Variants in ZBTB46 observed in about 807,000 individuals in gnomAD.
ZBTB46 encodes zinc finger and BTB domain-containing protein 46.
A neutral mutation model predicts 44.1 loss-of-function variants in ZBTB46; 8 were observed. The observed-to-expected ratio is 0.18, with a 90% CI of 0.11 to 0.33. ZBTB46 has a LOEUF of 0.33. ZBTB46 is among the 10% of genes least tolerant of loss of function. ZBTB46 has a pLI of 1.00. For missense variants in ZBTB46, 651 were observed against 847.7 expected (o/e 0.77, Z 2.88); for synonymous variants, 409 against 382.3 (o/e 1.07, Z -0.81).
intron 3 of ZBTB46, among the ~76,000 whole-genome samples, chr20:63,758,047 A>G (rs1324543486): frequency 0.068 from 1,726 of 25,456 alleles, 161 homozygotes; most frequent in African/African-American, 0.11. Flanking sequence ...CCACCCGCCC[A>G]TCCAGAGCTC....
chr20:63,766,534 C>A (rs1211311721), intron 3 of ZBTB46, among the ~76,000 whole-genome samples: 89 of 130,540 alleles, frequency 6.8e-4, no homozygotes, highest in South Asian at 9.7e-4. Flanking sequence ...CCATTTTGAC[C>A]AAAAAAAAAA....
At chr20:63,768,232 C>A in intron 3 of ZBTB46, 1 of 647,584 alleles carries the variant, frequency 1.5e-6, no homozygotes, top group Non-Finnish European at 1.9e-6. Flanking sequence ...AGAAACGACT[C>A]GTGTGGGAAT....
intron 4 of ZBTB46, among the ~76,000 whole-genome samples, chr20:63,751,389 C>T (rs1004264195): frequency 2.6e-5 from 4 of 152,156 alleles, no homozygotes; most frequent in South Asian, 2.1e-4. Flanking sequence ...CACTAAGCCC[C>T]GCTCCATATC....
At chr20:63,768,634 C>T (rs2092340513) in intron 3 of ZBTB46, among the ~76,000 whole-genome samples, 1 of 151,952 alleles carries the variant, frequency 6.6e-6, no homozygotes, top group African/African-American at 2.4e-5. Flanking sequence ...AGTGGTTGAG[C>T]TCTTGTTAAA....
At chr20:63,805,339 T>TA (rs2092674570) in intron 1 of ZBTB46, among the ~76,000 whole-genome samples, 1 of 152,232 alleles carries the variant, frequency 6.6e-6, no homozygotes, top group Non-Finnish European at 1.5e-5. Context: ...TACACACCTC[T>TA]AATCGCAGCA....
intron 1 of ZBTB46, among the ~76,000 whole-genome samples, chr20:63,797,553 T>C (rs2092613322): frequency 6.6e-6 from 1 of 152,224 alleles, no homozygotes; most frequent in South Asian, 2.1e-4. Context: ...GTATTTCTAG[T>C]TCTAGATCCT....
chr20:63,830,637 G>A (rs2092844814), intron 1 of ZBTB46, among the ~76,000 whole-genome samples: 1 of 149,642 alleles, frequency 6.7e-6, no homozygotes, highest in South Asian at 2.1e-4. Context: ...GGGCGCGGGC[G>A]GGGGGCGCCA....
rs80118527 is a variant in ZBTB46, at chr20:63,754,315, A to G, written c.1223-1454T>C. 7.4e-3 allele frequency among the ~76,000 whole-genome samples: 1,130 copies of G among 152,102 alleles called. 11 individuals are homozygous for G. Among genetic ancestry groups the G allele is most frequent in the African/African-American group, 0.026 (1,089 of 41,458 alleles). On this transcript the variant is annotated intron_variant, in intron 3 of 4. Transcript: ENST00000245663. ...TAACAAGAGACTTCTCCTTACCGCC[A>G]CCGTCCCCCAGGCCACCCTTCTCAC...
In ZBTB46 at chr20:63,752,538, G is replaced by A; in HGVS notation, c.1398+148C>T. 1 of 996,686 alleles carries A rather than the reference G, an allele frequency of 1.0e-6. No individual in the cohort carries two copies. The highest frequency in any genetic ancestry group is 1.3e-6 in the Non-Finnish European group (1 of 742,900). 61.7% of individuals were successfully genotyped at this position (996,686 alleles called of 1,614,324 possible). On this transcript the variant is annotated intron_variant, in intron 4 of 4. Transcript: ENST00000245663. This position sits in a 1 kb window ranked among gnomAD's most constrained non-coding sequence, Gnocchi z 5.6. ...CGGGGCAGAGCAGACAGGGGCCCGG[G>A]GCGGATCTCCCTGCCCTGCTGTCGT...
At chr20:63,818,771 T>C (rs1331214822) in intron 1 of ZBTB46, among the ~76,000 whole-genome samples, 2 of 147,780 alleles carry the variant, frequency 1.4e-5, no homozygotes, top group African/African-American at 5.1e-5. Flanking sequence ...GGCAGGAGAA[T>C]CGCTTGAAAC....
chr20:63,832,070 C>T (rs987945431), upstream of ZBTB46, among the ~76,000 whole-genome samples: 26 of 151,756 alleles, frequency 1.7e-4, no homozygotes, highest in African/African-American at 6.0e-4. This position sits in a 1 kb window ranked among gnomAD's most constrained non-coding sequence, Gnocchi z 5.0. Flanking sequence ...GTGGGTCCCT[C>T]CCGTCGTGTT....
chr20:63,763,964 T>C (rs1427885919), intron 3 of ZBTB46, among the ~76,000 whole-genome samples: 1 of 152,092 alleles, frequency 6.6e-6, no homozygotes, highest in Non-Finnish European at 1.5e-5. Context: ...GCTTTCTTTT[T>C]TCTTTTTCTT....
rs1026054297 is a variant in ZBTB46, at chr20:63,787,189, C to T, written c.937+2632G>A. Reference sequence around the variant, plus strand: ...GAAGGGCATTTTGGTCAGGGATGGACCACAGATAACCACTGTGGTCCCGTA... The same window carrying T: ...GAAGGGCATTTTGGTCAGGGATGGATCACAGATAACCACTGTGGTCCCGTA... On this transcript the variant is annotated intron_variant, in intron 2 of 4. Transcript: ENST00000245663. This position sits in a 1 kb window ranked among gnomAD's most constrained non-coding sequence, Gnocchi z 4.6. 1.3e-5 allele frequency among the ~76,000 whole-genome samples: 2 copies of T among 152,212 alleles called. No homozygotes were observed. Among genetic ancestry groups the T allele is most frequent in the Admixed American group, 1.3e-4 (2 of 15,282 alleles).
At chr20:63,815,973 T>TGC in intron 1 of ZBTB46, among the ~76,000 whole-genome samples, 1 of 143,708 alleles carries the variant, frequency 7.0e-6, no homozygotes, top group Non-Finnish European at 1.5e-5. Context: ...TGGGTGCAGG[T>TGC]ACAGTGGGCG....
At chr20:63,796,547 C>T (rs1013836236) in intron 1 of ZBTB46, among the ~76,000 whole-genome samples, 1 of 152,226 alleles carries the variant, frequency 6.6e-6, no homozygotes, top group African/African-American at 2.4e-5. Context: ...TGCTTAAGGC[C>T]GAGTGCGGTG....
chr20:63,828,355 G>A (rs764440525), intron 1 of ZBTB46, among the ~76,000 whole-genome samples: 32 of 152,344 alleles, frequency 2.1e-4, no homozygotes, highest in Non-Finnish European at 4.0e-4. Flanking sequence ...ATAAGGCGGC[G>A]GCCTCTCAAA....
At chr20:63,828,561 A>G (rs1012783941) in intron 1 of ZBTB46, among the ~76,000 whole-genome samples, 4 of 152,182 alleles carry the variant, frequency 2.6e-5, no homozygotes, top group African/African-American at 9.7e-5. Flanking sequence ...ACTCAAGGTC[A>G]CTCATGAGAC....
At chr20:63,831,847 C>T (rs1026138099), upstream of ZBTB46, among the ~76,000 whole-genome samples, 1 of 151,710 alleles carries the variant, frequency 6.6e-6, no homozygotes, top group Non-Finnish European at 1.5e-5. Flanking sequence ...CCCAGCCCGG[C>T]CGGGCATCAA....
chr20:63,819,802 T>G (rs1420052171), intron 1 of ZBTB46, among the ~76,000 whole-genome samples: 1 of 152,130 alleles, frequency 6.6e-6, no homozygotes, highest in Non-Finnish European at 1.5e-5. Flanking sequence ...ACTGGGACGC[T>G]CGGAGCACTG....
Sources: gnomAD v4.1 joint callset for allele counts (sites outside exome capture counted in the v4.1 genomes callset) on GRCh38, gnomAD v4.1.1 for gene constraint, Gnocchi (gnomAD v3.1) non-coding constraint, MANE v1.5 for transcripts, NCBI Gene and HGNC (gene_info 2026-07-23, HGNC 2026-07-21) for gene names.